The following PALS2 variants were observed in gnomAD, a reference collection of about 807,000 sequenced individuals.
The protein encoded by PALS2 is protein PALS2.
A neutral mutation model predicts 61.6 loss-of-function variants in PALS2; 27 were observed. That is an observed-to-expected ratio of 0.44 (90% CI 0.32 to 0.60). The LOEUF (loss-of-function observed/expected upper bound fraction) is 0.60, where lower values mean the gene tolerates loss of function less well. PALS2 is among the 20% of genes least tolerant of loss of function. The probability of loss-of-function intolerance (pLI) is 0.05; values close to 1 mark genes in which losing one functional copy is unlikely to be tolerated. For synonymous variants in PALS2, 236 were observed against 218.6 expected, an observed-to-expected ratio of 1.08 and a Z score of -0.70; for missense variants, 554 against 639.4, an observed-to-expected ratio of 0.87 and a Z score of 1.44.
At chr7:24,591,137 G>C (rs1783270889) in intron 1 of PALS2, among the ~76,000 whole-genome samples, 2 of 152,062 alleles carry the variant, frequency 1.3e-5, no homozygotes, top group Admixed American at 6.6e-5. Flanking sequence ...ACATAGGCAT[G>C]TGTGTTCAGT....
intron 1 of PALS2, among the ~76,000 whole-genome samples, chr7:24,600,502 A>T (rs1482705287): frequency 6.6e-6 from 1 of 152,178 alleles, no homozygotes; most frequent in African/African-American, 2.4e-5. Context: ...ATTATGTTTG[A>T]TTGTAGGTCA....
At chr7:24,610,732 G>A (rs1784084716) in intron 1 of PALS2, among the ~76,000 whole-genome samples, 1 of 151,864 alleles carries the variant, frequency 6.6e-6, no homozygotes, top group South Asian at 2.1e-4. Context: ...ATCATCTCTT[G>A]GAAATGTACT....
At chr7:24,624,605 C>CTTCTTCTTCTT (rs1554302487) in intron 2 of PALS2, among the ~76,000 whole-genome samples, 28 of 86,362 alleles carry the variant, frequency 3.2e-4, no homozygotes, top group Middle Eastern at 6.8e-3. Flanking sequence ...GCAGATTCTT[C>CTTCTTCTTCTT]TTTTTTTTTT....
At chr7:24,649,809 A>G (rs954163647) in intron 4 of PALS2, 45 bp downstream of exon 4, 3 of 1,460,186 alleles carry the variant, frequency 2.1e-6, no homozygotes, top group East Asian at 2.5e-5. Context: ...GAAATATGAC[A>G]TAATTTGTGG....
At chr7:24,603,187 C>G (rs1193817995) in intron 1 of PALS2, among the ~76,000 whole-genome samples, 3 of 152,180 alleles carry the variant, frequency 2.0e-5, no homozygotes, top group Admixed American at 2.0e-4. Context: ...GTCATTTAAG[C>G]TACCCAGGCT....
intron 2 of PALS2, among the ~76,000 whole-genome samples, chr7:24,627,040 T>C (rs1031264265): frequency 1.3e-5 from 2 of 152,098 alleles, no homozygotes; most frequent in Non-Finnish European, 2.9e-5. Context: ...TCTACAGAAC[T>C]CTCCACCCCA....
intron 11 of PALS2, among the ~76,000 whole-genome samples, chr7:24,680,821 C>T (rs1303529199): frequency 3.3e-5 from 5 of 152,162 alleles, no homozygotes; most frequent in African/African-American, 1.2e-4. Flanking sequence ...GTCTTGAACT[C>T]CTGACCTCAG....
At chr7:24,679,070 T>C in intron 9 of PALS2, 61 bp from the exon 10 acceptor site, 1 of 1,472,492 alleles carries the variant, frequency 6.8e-7, no homozygotes, top group Non-Finnish European at 9.5e-7. Flanking sequence ...CTATGTATTT[T>C]AGTCTATTTT....
At position 24,668,590 on chromosome 7, in the gene PALS2, T is replaced by G; in HGVS notation, c.1044T>G (p.Gly348=). Residue 348 remains glycine, a synonymous_variant, in exon 9 of 12, where the codon GGT becomes GGG. Transcript: ENST00000222644. ...CATTAGTATTGATAGGAGCTCAAGGTGTAGGCCGAAGAAGCTTGAAAAACA... is the reference window on the plus strand; with the variant it reads ...CATTAGTATTGATAGGAGCTCAAGGGGTAGGCCGAAGAAGCTTGAAAAACA... ...RKTLVLIGAQ[G]VGRRSLKNRF... 6.2e-7 allele frequency: 1 copy of G among 1,613,916 alleles called. No individual in the cohort carries two copies. The highest frequency in any genetic ancestry group is 8.5e-7 in the Non-Finnish European group (1 of 1,179,912).
At chr7:24,607,998 A>C (rs1783981953) in intron 1 of PALS2, among the ~76,000 whole-genome samples, 1 of 152,176 alleles carries the variant, frequency 6.6e-6, no homozygotes, top group Non-Finnish European at 1.5e-5. Context: ...TGATTTTTAA[A>C]TATTTCAATG....
chr7:24,679,436 T>A, intron 10 of PALS2, 103 bp downstream of exon 10: 1 of 1,142,422 alleles, frequency 8.8e-7, no homozygotes, highest in Non-Finnish European at 1.3e-6. Flanking sequence ...TTTGTCAGGG[T>A]GGAAAGGTGA....
rs1032445766 is a variant in PALS2, at chr7:24,623,940, A to G, written c.117+156A>G. On this transcript the variant is annotated intron_variant, in intron 2 of 11. Transcript: ENST00000222644. ...ACATAATGAAATCTTAACATATGCA[A>G]AAATTAGACCATTTTTCTCTTTTCT... 7.0e-6 allele frequency: 7 copies of G among 1,004,580 alleles called. No homozygotes were observed. In the African/African-American group the frequency reaches 1.2e-4, roughly 17 times the overall value. The allele number at this position is 1,004,580 out of a possible 1,614,324, so 62.2% of individuals were successfully genotyped here.
chr7:24,613,626 G>C (rs1158854750), intron 1 of PALS2, among the ~76,000 whole-genome samples: 1 of 151,790 alleles, frequency 6.6e-6, no homozygotes, highest in African/African-American at 2.4e-5. Context: ...TCAGCCGCTT[G>C]AAAATGTATA....
chr7:24,607,451 A>G lies in PALS2; in HGVS notation c.-2-16215A>G, dbSNP rs943519493. On this transcript the variant is annotated intron_variant, in intron 1 of 11. Coordinates refer to ENST00000222644, the MANE Select transcript of PALS2 (RefSeq NM_001303037.2). Reference sequence around the variant, plus strand: ...TTTTAGCTCTTAGTGTTTACTTGCTAATGTATGTGTATCTCTCTCTCTCTC... The same window carrying G: ...TTTTAGCTCTTAGTGTTTACTTGCTGATGTATGTGTATCTCTCTCTCTCTC... Among the ~76,000 whole-genome samples, 5 of 151,126 alleles carry G rather than the reference A, an allele frequency of 3.3e-5. No homozygotes were observed. The East Asian group carries it at 7.7e-4, about 23-fold the overall frequency.
intron 5 of PALS2, among the ~76,000 whole-genome samples, chr7:24,654,691 G>A (rs1015938668): frequency 6.6e-6 from 1 of 152,132 alleles, no homozygotes; most frequent in Admixed American, 6.6e-5. Flanking sequence ...TAGATTTAAT[G>A]GAATTCCAGT....
At chr7:24,576,045 T>G (rs1347900884) in intron 1 of PALS2, among the ~76,000 whole-genome samples, 1 of 152,190 alleles carries the variant, frequency 6.6e-6, no homozygotes, top group African/African-American at 2.4e-5. Context: ...TCAGGAAGAA[T>G]GAACACTTAC....
intron 1 of PALS2, among the ~76,000 whole-genome samples, chr7:24,620,372 A>G (rs1489450527): frequency 6.6e-6 from 1 of 152,236 alleles, no homozygotes; most frequent in Admixed American, 6.5e-5. Context: ...TTGACTATAA[A>G]TCCACCAAAT....
intron 1 of PALS2, among the ~76,000 whole-genome samples, chr7:24,588,263 A>G (rs78003997): frequency 0.063 from 9,607 of 152,248 alleles, 356 homozygotes; most frequent in African/African-American, 0.093. Context: ...ACAGCTTACA[A>G]TACCATATAG....
At chr7:24,669,365 T>C (rs1210305698) in intron 9 of PALS2, among the ~76,000 whole-genome samples, 2 of 152,226 alleles carry the variant, frequency 1.3e-5, no homozygotes, top group Admixed American at 6.5e-5. Context: ...ATGATGTTAG[T>C]GATTTACTGT....
Sources: gnomAD v4.1 joint callset for allele counts (sites outside exome capture counted in the v4.1 genomes callset) on GRCh38, gnomAD v4.1.1 for gene constraint, MANE v1.5 for transcripts, NCBI Gene and HGNC (gene_info 2026-07-23, HGNC 2026-07-21) for gene names.